Variants in AGBL3 observed in about 807,000 individuals in gnomAD.
AGBL3 encodes cytosolic carboxypeptidase 3.
AGBL3 carries 68 observed loss-of-function variants against 94.5 expected under a neutral mutation model. The observed-to-expected ratio is 0.72, with a 90% CI of 0.59 to 0.88. The LOEUF (loss-of-function observed/expected upper bound fraction) is 0.88. Among genes scored for constraint, AGBL3 ranks in the 40% least tolerant of loss-of-function variants. The pLI, the probability that AGBL3 is intolerant of heterozygous loss-of-function variation, is 0.00. For synonymous variants in AGBL3, 354 were observed against 370.7 expected, an observed-to-expected ratio of 0.95 and a Z score of 0.52; for missense variants, 934 against 1,103.8, an observed-to-expected ratio of 0.85 and a Z score of 2.18.
intron 15 of AGBL3, among the ~76,000 whole-genome samples, chr7:135,100,653 G>A (rs536114311): frequency 6.6e-6 from 1 of 152,314 alleles, no homozygotes; most frequent in Admixed American, 6.5e-5. Flanking sequence ...AGACCAACAT[G>A]TAAAGCATCT....
intron 3 of AGBL3, among the ~76,000 whole-genome samples, chr7:134,989,527 A>G (rs1164873464): frequency 1.3e-5 from 2 of 152,188 alleles, no homozygotes; most frequent in Non-Finnish European, 2.9e-5. Context: ...AGTGGTGATT[A>G]TCTTATATTT....
intron 1 of AGBL3, among the ~76,000 whole-genome samples, chr7:134,987,071 G>A (rs530349952): frequency 3.6e-4 from 55 of 152,390 alleles, no homozygotes; most frequent in African/African-American, 1.3e-3. Context: ...TGATGCCCAG[G>A]CAGAAACTTC....
Position 135,008,397 on chromosome 7 carries a change from C to G in AGBL3, c.311-8655C>G, listed in dbSNP as rs766668669. Among the ~76,000 whole-genome samples the G allele has an allele frequency of 1.1e-4, 16 of 152,118 alleles. No individual in the cohort carries two copies. The Middle Eastern group carries it at 0.014, about 129-fold the overall frequency. On this transcript the variant is annotated intron_variant, in intron 4 of 16. Coordinates refer to ENST00000436302, the MANE Select transcript of AGBL3 (RefSeq NM_178563.4). ...TTCAATAGGAAGAGCATTGTCTTTT[C>G]AACAAATGGCACCCAGACAACTGGA...
At chr7:135,110,395 C>T (rs1237801279) in intron 15 of AGBL3, among the ~76,000 whole-genome samples, 1 of 152,208 alleles carries the variant, frequency 6.6e-6, no homozygotes, top group African/African-American at 2.4e-5. Flanking sequence ...GTATCTAAAG[C>T]TCCTGGGGCT....
chr7:135,041,911 G>A (rs1031646374), intron 8 of AGBL3, among the ~76,000 whole-genome samples: 1 of 152,124 alleles, frequency 6.6e-6, no homozygotes, highest in African/African-American at 2.4e-5. Flanking sequence ...AGGCAAATAA[G>A]CACATGAAAA....
At chr7:135,009,592 A>G (rs564261004) in intron 4 of AGBL3, among the ~76,000 whole-genome samples, 1 of 152,120 alleles carries the variant, frequency 6.6e-6, no homozygotes, top group South Asian at 2.1e-4. Context: ...AGGGAGATGC[A>G]TAGATGGGTC....
At chr7:135,073,739 G>A (rs1820191901) in intron 12 of AGBL3, among the ~76,000 whole-genome samples, 1 of 151,948 alleles carries the variant, frequency 6.6e-6, no homozygotes, top group African/African-American at 2.4e-5. Flanking sequence ...GTACGTGACT[G>A]GGGGCTACAT....
At chr7:134,986,939 G>A (rs1472389861) in intron 1 of AGBL3, among the ~76,000 whole-genome samples, 1 of 152,280 alleles carries the variant, frequency 6.6e-6, no homozygotes, top group Non-Finnish European at 1.5e-5. Context: ...CGGAGCGCCG[G>A]TGGATAAGGG....
At chr7:135,023,483 A>G (rs188715399) in intron 5 of AGBL3, among the ~76,000 whole-genome samples, 1 of 152,240 alleles carries the variant, frequency 6.6e-6, no homozygotes, top group East Asian at 1.9e-4. Context: ...TAGCTACAAG[A>G]GATTTCATGA....
chr7:135,042,795 C>T (rs1028174931), intron 8 of AGBL3, among the ~76,000 whole-genome samples: 16 of 152,096 alleles, frequency 1.1e-4, no homozygotes, highest in African/African-American at 3.9e-4. Flanking sequence ...CCTGTGGTCT[C>T]AGCTATTTGG....
intron 15 of AGBL3, among the ~76,000 whole-genome samples, chr7:135,096,313 C>G (rs1822680101): frequency 1.4e-5 from 2 of 147,768 alleles, no homozygotes; most frequent in African/African-American, 5.0e-5. Context: ...CAGCATGGCC[C>G]AAATGTCACC....
chr7:135,028,237 A>G (rs533632952), intron 5 of AGBL3, among the ~76,000 whole-genome samples: 39 of 151,660 alleles, frequency 2.6e-4, no homozygotes, highest in African/African-American at 9.4e-4. Context: ...CAGTGAGTCA[A>G]TTAGACATAA....
At chr7:135,017,491 G>A (rs1813937044) in intron 5 of AGBL3, among the ~76,000 whole-genome samples, 1 of 152,132 alleles carries the variant, frequency 6.6e-6, no homozygotes, top group African/African-American at 2.4e-5. Flanking sequence ...TCCATGTATG[G>A]CTCACATTCA....
rs910002666 is a variant in AGBL3, at chr7:135,033,522, T to C, written c.557+540T>C. Among the ~76,000 whole-genome samples the C allele has an allele frequency of 6.4e-4, 97 of 152,188 alleles. 1 individual carries two copies. Among genetic ancestry groups the C allele is most frequent in the Non-Finnish European group, 1.6e-4 (11 of 68,024 alleles). ...GAGTGCTTATAGAATAGAAAGTTAC[T>C]TAGTAGAGAAAAATAGTCACAACTA... On this transcript the variant is annotated intron_variant, in intron 6 of 16. Coordinates refer to ENST00000436302, the MANE Select transcript of AGBL3 (RefSeq NM_178563.4).
In AGBL3 at chr7:134,986,598, CGAGAT is replaced by C. The variant is rs1809462143; in HGVS notation, c.-162_-158del. On this transcript the variant is annotated 5_prime_UTR_variant, in exon 1 of 17. Coordinates refer to ENST00000436302, the MANE Select transcript of AGBL3 (RefSeq NM_178563.4). The stretch of plus-strand genomic sequence containing the variant: ...TAGCGGCTGGATACCGGGTTCTCCG[CGAGAT>C]CGCGAGATCCCGAGATATTCTCCCC... 1.1e-4 allele frequency: 1 copy of C among 9,126 alleles called. No individual in the cohort carries two copies. 0.6% of individuals were successfully genotyped at this position (9,126 alleles called of 1,614,324 possible).
chr7:135,108,816 G>A (rs1239504617), intron 15 of AGBL3, among the ~76,000 whole-genome samples: 1 of 152,144 alleles, frequency 6.6e-6, no homozygotes, highest in Non-Finnish European at 1.5e-5. Flanking sequence ...TTTCAGGGAT[G>A]CAAATGATTC....
intron 15 of AGBL3, among the ~76,000 whole-genome samples, chr7:135,097,630 C>A (rs1273097524): frequency 6.6e-6 from 1 of 152,080 alleles, no homozygotes; most frequent in Non-Finnish European, 1.5e-5. Context: ...GATTTGCTAG[C>A]CTGTGACATT....
intron 5 of AGBL3, among the ~76,000 whole-genome samples, chr7:135,021,302 T>C (rs1253110206): frequency 6.6e-6 from 1 of 151,462 alleles, no homozygotes; most frequent in African/African-American, 2.4e-5. Context: ...ACTTTTTTTT[T>C]TTTTTTTGAG....
chr7:135,016,408 CTTGT>C (rs781695875), intron 4 of AGBL3, among the ~76,000 whole-genome samples: 40 of 151,886 alleles, frequency 2.6e-4, no homozygotes, highest in East Asian at 1.9e-3. Context: ...TCCAGTAATA[CTTGT>C]TTGTCATCAA....
Sources: allele counts gnomAD v4.1 joint callset (sites outside exome capture counted in the v4.1 genomes callset), GRCh38; gene constraint gnomAD v4.1.1; transcripts MANE v1.5; gene names NCBI Gene and HGNC (gene_info 2026-07-23, HGNC 2026-07-21).